The following PLCXD2 variants were observed in gnomAD, a reference collection of about 807,000 sequenced individuals.
PLCXD2 encodes the protein phosphatidylinositol specific phospholipase C X domain containing 2, also known as PI-PLC X domain-containing protein 2.
Under a neutral mutation model 28.6 loss-of-function variants are expected in PLCXD2, and 21 were observed. The ratio of observed to expected loss-of-function variants is 0.73; its 90% CI spans 0.52 to 1.06. The LOEUF is 1.06. Among genes scored for constraint, PLCXD2 ranks in the 50% least tolerant of loss-of-function variants. The pLI is 0.00. For synonymous variants in PLCXD2, 140 were observed against 150.1 expected, an observed-to-expected ratio of 0.93 and a Z score of 0.49; for missense variants, 369 against 376.7, an observed-to-expected ratio of 0.98 and a Z score of 0.17.
chr3:111,708,253 A>C lies in PLCXD2; in HGVS notation c.491A>C (p.His164Pro). The C allele has an allele frequency of 6.2e-7, 1 of 1,613,950 alleles. No individual in the cohort carries two copies. Among genetic ancestry groups the C allele is most frequent in the Non-Finnish European group, 8.5e-7 (1 of 1,179,978 alleles). Residue 164 changes from histidine (H) to proline (P), a missense_variant, in exon 2 of 5, where the codon CAC becomes CCC. Coordinates refer to ENST00000477665, the MANE Select transcript of PLCXD2 (RefSeq NM_001185106.1). ...GAGATTATCTTCCTGGATTTCAACC[A>C]CTTCTATGCCATGGATGAGACCCAT...
In PLCXD2 at chr3:111,713,905, T is replaced by C. The variant is rs76407344; in HGVS notation, c.643T>C (p.Cys215Arg). ...ATTTCAGGTTCTTATTTTCTACCACTGTCCCTTCTACAAGCAGTACCCCTT... is the reference window on the plus strand; with the variant it reads ...ATTTCAGGTTCTTATTTTCTACCACCGTCCCTTCTACAAGCAGTACCCCTT... The change falls in exon 3 of 5, where the codon TGT (cysteine) becomes CGT (arginine). Residue 215 changes from cysteine (C) to arginine (R), a missense_variant. Physicochemically the swap from Cys to Arg is radical, Grantham distance 180. Transcript: ENST00000477665. The C allele has an allele frequency of 1.2e-3, 1,875 of 1,613,802 alleles. 34 individuals carry two copies. The East Asian group carries it at 0.036, about 31-fold the overall frequency.
intron 3 of PLCXD2, chr3:111,725,883 G>A: frequency 2.5e-6 from 1 of 398,438 alleles, no homozygotes; most frequent in Admixed American, 4.4e-5. Context: ...TTTGTCTCCT[G>A]GCCATTCTCC....
At chr3:111,683,730 A>G (rs2107840930) in intron 1 of PLCXD2, among the ~76,000 whole-genome samples, 1 of 152,274 alleles carries the variant, frequency 6.6e-6, no homozygotes, top group East Asian at 1.9e-4. Context: ...ACAATATGCT[A>G]TGTAGGATGA....
intron 1 of PLCXD2, among the ~76,000 whole-genome samples, chr3:111,705,182 C>T (rs970739830): frequency 1.3e-5 from 2 of 152,190 alleles, no homozygotes; most frequent in Non-Finnish European, 2.9e-5. Context: ...CTTCCAGTCT[C>T]TAATACCCAC....
chr3:111,698,021 C>T (rs947802682), intron 1 of PLCXD2, among the ~76,000 whole-genome samples: 3 of 152,110 alleles, frequency 2.0e-5, no homozygotes, highest in Non-Finnish European at 2.9e-5. Context: ...TTCATTTTTC[C>T]TAGCCCTAAA....
At chr3:111,718,541 A>G (rs1941305795) in intron 3 of PLCXD2, among the ~76,000 whole-genome samples, 1 of 151,034 alleles carries the variant, frequency 6.6e-6, no homozygotes, top group Non-Finnish European at 1.5e-5. Flanking sequence ...AGATTGATTG[A>G]TTTATGATAT....
intron 1 of PLCXD2, among the ~76,000 whole-genome samples, chr3:111,704,801 C>T (rs1276514427): frequency 6.7e-6 from 1 of 150,306 alleles, no homozygotes; most frequent in East Asian, 1.9e-4. Context: ...AGACTTCATT[C>T]CTCCTATCTA....
chr3:111,691,462 A>G (rs1940875376), intron 1 of PLCXD2: 1 of 152,238 alleles, frequency 6.6e-6, no homozygotes, highest in Non-Finnish European at 1.5e-5. Flanking sequence ...GTGGAATTAC[A>G]GACTGTTTCT....
chr3:111,725,687 T>C (rs1422170698), intron 3 of PLCXD2: 2 of 398,494 alleles, frequency 5.0e-6, no homozygotes, highest in African/African-American at 2.1e-5. Context: ...TATTCTATTA[T>C]ATTCTCCAGC....
intron 1 of PLCXD2, 152 bp from the exon 2 acceptor site, chr3:111,707,774 T>C: frequency 1.5e-6 from 1 of 666,536 alleles, no homozygotes; most frequent in Non-Finnish European, 2.5e-6. Flanking sequence ...ATTTTATTCC[T>C]AGCAAGCTTG....
intron 1 of PLCXD2, among the ~76,000 whole-genome samples, chr3:111,685,766 A>G (rs1048402943): frequency 2.0e-5 from 3 of 152,228 alleles, no homozygotes; most frequent in Admixed American, 6.5e-5. Context: ...AGCAGGATGC[A>G]TGGTAGCAGA....
intron 3 of PLCXD2, chr3:111,725,480 C>T (rs1178756113): frequency 5.0e-6 from 2 of 396,306 alleles, no homozygotes; most frequent in East Asian, 3.6e-5. Flanking sequence ...CATTACTACC[C>T]CAAGGGACGC....
Position 111,713,832 on chromosome 3 carries a change from T to G in PLCXD2, c.625-55T>G. 3.8e-6 allele frequency: 6 copies of G among 1,576,496 alleles called. No individual in the cohort carries two copies. In the South Asian group the frequency reaches 6.9e-5, roughly 18 times the overall value. On this transcript the variant is annotated intron_variant, in intron 2 of 4. Transcript: ENST00000477665. ...TAGCAGTCCGTATAAAACGGAGGAG[T>G]TAACATTCAGCATTTTTATGGATTG...
At chr3:111,709,402 G>A (rs1286827880) in intron 2 of PLCXD2, among the ~76,000 whole-genome samples, 4 of 152,004 alleles carry the variant, frequency 2.6e-5, no homozygotes, top group African/African-American at 9.7e-5. Context: ...ATATGTGTGT[G>A]TATGTGTCTG....
intron 1 of PLCXD2, among the ~76,000 whole-genome samples, chr3:111,683,163 G>A (rs1437805847): frequency 6.6e-6 from 1 of 152,176 alleles, no homozygotes; most frequent in Admixed American, 6.5e-5. Flanking sequence ...GGTAGTAGGA[G>A]GAAAGCTTGG....
At chr3:111,685,625 T>A (rs1271525249) in intron 1 of PLCXD2, among the ~76,000 whole-genome samples, 3 of 152,370 alleles carry the variant, frequency 2.0e-5, no homozygotes, top group South Asian at 2.1e-4. Flanking sequence ...TGTTCTTTCT[T>A]GTGTGTTTAC....
intron 3 of PLCXD2, among the ~76,000 whole-genome samples, chr3:111,718,551 T>C (rs1391691027): frequency 6.6e-6 from 1 of 151,802 alleles, no homozygotes; most frequent in African/African-American, 2.4e-5. Context: ...ATTTATGATA[T>C]GTGTTTTAGC....
intron 1 of PLCXD2, among the ~76,000 whole-genome samples, chr3:111,682,758 C>A (rs1940736271): frequency 6.6e-6 from 1 of 152,192 alleles, no homozygotes; most frequent in Non-Finnish European, 1.5e-5. Context: ...GTGAAAACAG[C>A]ATTCTCGTCC....
chr3:111,675,185 A>G lies in PLCXD2; in HGVS notation c.-61A>G, dbSNP rs2107833917. On this transcript the variant is annotated 5_prime_UTR_variant, in exon 1 of 5. Coordinates refer to ENST00000477665, the MANE Select transcript of PLCXD2 (RefSeq NM_001185106.1). ...CCCTGAAACGTCCACAGAGCCCAAG[A>G]AGTGATGATCACTGAGTGAGTGGCA... 6.4e-7 allele frequency: 1 copy of G among 1,564,304 alleles called. No individual in the cohort carries two copies. The highest frequency in any genetic ancestry group is 8.7e-7 in the Non-Finnish European group (1 of 1,149,230).
Sources: allele counts gnomAD v4.1 joint callset (sites outside exome capture counted in the v4.1 genomes callset), GRCh38; gene constraint gnomAD v4.1.1; transcripts MANE v1.5; gene names NCBI Gene and HGNC (gene_info 2026-07-23, HGNC 2026-07-21).